The following UNC13A variants were observed in gnomAD, a reference collection of about 807,000 sequenced individuals.
UNC13A encodes unc-13 homolog A.
In UNC13A, 61 loss-of-function variants were observed where a neutral mutation model predicts 219.7. That is an observed-to-expected ratio of 0.28 (90% CI 0.23 to 0.34). The LOEUF is 0.34. Among genes scored for constraint, UNC13A ranks in the 10% least tolerant of loss-of-function variants. UNC13A has a pLI of 1.00. For missense variants in UNC13A, 1,476 were observed against 2,270.3 expected (o/e 0.65, Z 7.11); for synonymous variants, 920 against 884.6 (o/e 1.04, Z -0.71).
In UNC13A at chr19:17,652,804, G is replaced by A. The variant is rs1345941615; in HGVS notation, c.1393-127C>T. On this transcript the variant is annotated intron_variant, in intron 11 of 43. Transcript: ENST00000519716. ...TGGCCTGGGTCCTAGTCCTGGCTGAGTGATTTTAGGAAGCTCCGTGGCTAT... is the reference window on the plus strand; with the variant it reads ...TGGCCTGGGTCCTAGTCCTGGCTGAATGATTTTAGGAAGCTCCGTGGCTAT... 6 of 988,454 alleles carry A rather than the reference G, an allele frequency of 6.1e-6. No individual in the cohort carries two copies. In the Admixed American group the frequency reaches 1.1e-4, roughly 17 times the overall value. The allele number at this position is 988,454 out of a possible 1,614,324, so 61.2% of individuals were successfully genotyped here. A position where few individuals can be genotyped will look rare whatever the true frequency, so the allele number is the denominator to read the frequency against.
intron 43 of UNC13A, among the ~76,000 whole-genome samples, chr19:17,607,734 C>A (rs1328055650): frequency 6.6e-6 from 1 of 151,888 alleles, no homozygotes; most frequent in Non-Finnish European, 1.5e-5. Context: ...CTTTCTTCTG[C>A]ACTTCTGTCT....
In UNC13A at chr19:17,605,746, C is replaced by A; in HGVS notation, c.*308G>T. On this transcript the variant is annotated 3_prime_UTR_variant, in exon 44 of 44. Transcript: ENST00000519716. ...CCAGAGCCCCGGGATGTGGCCTCCTCCATAGGGACGAGGTTTCCCCCATCC... is the reference window on the plus strand; with the variant it reads ...CCAGAGCCCCGGGATGTGGCCTCCTACATAGGGACGAGGTTTCCCCCATCC... 3.0e-6 allele frequency: 1 copy of A among 337,978 alleles called. No individual in the cohort carries two copies. The allele number at this position is 337,978 out of a possible 1,614,324, so 20.9% of individuals were successfully genotyped here.
Position 17,656,242 on chromosome 19 carries a change from G to A in UNC13A, c.924C>T (p.Val308=). Residue 308 remains valine (V), a synonymous_variant, in exon 10 of 44, where the codon GTC becomes GTT. Transcript: ENST00000519716. ...RDSYHSCHSS[V]SYHKDSPRWD... ...AGCGAGGCGAGTCTTTGTGGTAGCT[G>A]ACCGAGCTGTGGCAGGAGTGGTAGG... 1 of 1,552,124 alleles carries A rather than the reference G, an allele frequency of 6.4e-7. No homozygotes were observed.
chr19:17,679,581 G>T (rs1474880363), intron 1 of UNC13A, among the ~76,000 whole-genome samples: 2 of 151,744 alleles, frequency 1.3e-5, no homozygotes, highest in Non-Finnish European at 2.9e-5. Flanking sequence ...GCTCACTGGG[G>T]TCTAGACTGG....
At chr19:17,630,486 G>A (rs2076831388) in intron 29 of UNC13A, among the ~76,000 whole-genome samples, 168 bp downstream of exon 29, 1 of 152,128 alleles carries the variant, frequency 6.6e-6, no homozygotes, top group South Asian at 2.1e-4. Context: ...CCGGCTTGAT[G>A]GAACTCACAT....
chr19:17,661,735 C>G (rs938828325), intron 8 of UNC13A, among the ~76,000 whole-genome samples: 2 of 151,916 alleles, frequency 1.3e-5, no homozygotes, highest in Non-Finnish European at 2.9e-5. Context: ...GAATAGAGGA[C>G]TGGATTTCTC....
At chr19:17,644,917 C>G (rs916133978) in intron 19 of UNC13A, among the ~76,000 whole-genome samples, 2 of 151,848 alleles carry the variant, frequency 1.3e-5, no homozygotes, top group African/African-American at 2.4e-5. Context: ...GTCTTGAACT[C>G]CTGGACTCAA....
chr19:17,620,291 GAAT>G (rs954432516), intron 38 of UNC13A, among the ~76,000 whole-genome samples: 3 of 152,130 alleles, frequency 2.0e-5, no homozygotes, highest in Non-Finnish European at 4.4e-5. Flanking sequence ...GAAATATTTG[GAAT>G]TATGTTCATA....
At chr19:17,656,721 G>A (rs998993298) in intron 9 of UNC13A, among the ~76,000 whole-genome samples, 15 of 151,986 alleles carry the variant, frequency 9.9e-5, no homozygotes, top group Admixed American at 4.6e-4. Context: ...GCATGGTGGC[G>A]TATGCCTGTA....
chr19:17,620,726 T>C lies in UNC13A; in HGVS notation c.4243-4A>G, dbSNP rs779558861. ...GGCTTGGCAATTTCACCCTGCCCTGTGGAGAGAATCAGGTGGAGGTCAGAG... is the reference window on the plus strand; with the variant it reads ...GGCTTGGCAATTTCACCCTGCCCTGCGGAGAGAATCAGGTGGAGGTCAGAG... On this transcript the variant is annotated splice_polypyrimidine_tract_variant and splice_region_variant and intron_variant, in intron 37 of 43. Coordinates refer to ENST00000519716, the MANE Select transcript of UNC13A (RefSeq NM_001080421.3). 3 of 1,612,868 alleles carry C rather than the reference T, an allele frequency of 1.9e-6. No homozygotes were observed. Among genetic ancestry groups the C allele is most frequent in the Non-Finnish European group, 2.5e-6 (3 of 1,179,602 alleles).
At chr19:17,645,332 ATCT>A (rs1161771588) in intron 19 of UNC13A, among the ~76,000 whole-genome samples, 5 of 152,050 alleles carry the variant, frequency 3.3e-5, no homozygotes, top group Non-Finnish European at 1.5e-5. Flanking sequence ...TTAAAGCTCA[ATCT>A]TCTTTCTTAG....
At chr19:17,685,813 T>C (rs909930211) in intron 1 of UNC13A, among the ~76,000 whole-genome samples, 6 of 151,930 alleles carry the variant, frequency 3.9e-5, no homozygotes, top group African/African-American at 1.5e-4. Flanking sequence ...CGCCTGTGGG[T>C]CCCCGGTGGA....
Position 17,627,934 on chromosome 19 carries a change from T to C in UNC13A, c.3760A>G (p.Ile1254Val). 6.3e-7 allele frequency: 1 copy of C among 1,592,944 alleles called. No homozygotes were observed. Among genetic ancestry groups the C allele is most frequent in the South Asian group, 1.1e-5 (1 of 89,132 alleles). ...AGCTGTTGAGTGTTATTCATGAGAA[T>C]GCAGGGCTGTGGGTGGGAACAGAGA... ...CSKEKEKVPC[I>V]LMNNTQQLRV... Residue 1254 changes from isoleucine to valine, a missense_variant, in exon 32 of 44, where the codon ATT becomes GTT. Physicochemically the swap from Ile to Val is conservative, Grantham distance 29. This residue lies in a region of UNC13A where 218 missense variants were observed against 409.4 expected (regional missense o/e 0.53). Coordinates refer to ENST00000519716, the MANE Select transcript of UNC13A (RefSeq NM_001080421.3). The surrounding 1 kb of genome is among the most constrained non-coding windows in gnomAD (Gnocchi z 4.7).
chr19:17,656,445 C>A, intron 9 of UNC13A, 47 bp from the exon 10 acceptor site: 2 of 1,446,824 alleles, frequency 1.4e-6, no homozygotes, highest in Non-Finnish European at 1.8e-6. Flanking sequence ...CGAGTCACTG[C>A]CCACCTGAGC....
intron 7 of UNC13A, 96 bp from the exon 8 acceptor site, chr19:17,663,663 TC>T: frequency 3.8e-6 from 5 of 1,307,328 alleles, no homozygotes; most frequent in Non-Finnish European, 4.3e-6. Context: ...CCCCAACTGC[TC>T]CCCCCACCCC....
chr19:17,640,605 C>T lies in UNC13A; in HGVS notation c.2693G>A (p.Ser898Asn). 6.3e-7 allele frequency: 1 copy of T among 1,586,382 alleles called. No individual in the cohort carries two copies. The highest frequency in any genetic ancestry group is 8.6e-7 in the Non-Finnish European group (1 of 1,167,142). ...GGCATTGATGTTGGCGAGCAGGGTGCTCATGACGGCAGGCACCCCTGGGCA... is the reference window on the plus strand; with the variant it reads ...GGCATTGATGTTGGCGAGCAGGGTGTTCATGACGGCAGGCACCCCTGGGCA... ...YMCPGVPAVM[S>N]TLLANINAYY... The change falls in exon 22 of 44, where the codon AGC (serine) becomes AAC (asparagine). Residue 898 changes from serine to asparagine, a missense_variant. Ser to Asn is a conservative substitution (Grantham distance 46, BLOSUM62 1). This residue lies in a region of UNC13A where 140 missense variants were observed against 270.9 expected (regional missense o/e 0.52). Transcript: ENST00000519716.
chr19:17,606,791 T>C (rs2076536163), intron 43 of UNC13A, among the ~76,000 whole-genome samples: 1 of 150,442 alleles, frequency 6.6e-6, no homozygotes, highest in African/African-American at 2.5e-5. Flanking sequence ...GACGTGGCCC[T>C]TTCCCCAGCC....
chr19:17,607,876 C>CTT (rs58683080), intron 43 of UNC13A, among the ~76,000 whole-genome samples: 5,686 of 96,230 alleles, frequency 0.059, 435 homozygotes, highest in Non-Finnish European at 0.071. Flanking sequence ...CGTGAACAGA[C>CTT]TTTTTTTTTT....
At chr19:17,638,881 C>T (rs2076938712) in intron 25 of UNC13A, among the ~76,000 whole-genome samples, 1 of 151,998 alleles carries the variant, frequency 6.6e-6, no homozygotes, top group African/African-American at 2.4e-5. Context: ...ACCAAATGTA[C>T]TGAGTGCCGA....
Sources: allele counts gnomAD v4.1 joint callset (sites outside exome capture counted in the v4.1 genomes callset), GRCh38; gene constraint gnomAD v4.1.1; regional missense constraint gnomAD v4.1.1; non-coding constraint Gnocchi (gnomAD v3.1); transcripts MANE v1.5; gene names NCBI Gene and HGNC (gene_info 2026-07-23, HGNC 2026-07-21).